Variants in LOC128706665 observed in about 807,000 individuals in gnomAD.
chr20:10,429,671 C>T, the LOC128706665 span, among the ~76,000 whole-genome samples: 2 of 152,174 alleles, frequency 1.3e-5, no homozygotes, highest in Non-Finnish European at 2.9e-5. Flanking sequence ...TCATGCTCCT[C>T]ATCAACTCAC....
chr20:10,413,932 C>G, the LOC128706665 span: 1 of 407,184 alleles, frequency 2.5e-6, no homozygotes, highest in South Asian at 1.1e-4. Context: ...GCTTCTTTAC[C>G]TAATAAATAA....
the LOC128706665 span, among the ~76,000 whole-genome samples, chr20:10,426,718 T>C: frequency 1.3e-5 from 2 of 152,212 alleles, no homozygotes; most frequent in African/African-American, 4.8e-5. Flanking sequence ...TGGCTGATTT[T>C]CATGTCAGGT....
At chr20:10,415,151 G>A in the LOC128706665 span, among the ~76,000 whole-genome samples, 1 of 152,188 alleles carries the variant, frequency 6.6e-6, no homozygotes, top group East Asian at 1.9e-4. Flanking sequence ...ATAATAATGT[G>A]TGAAAAGAAT....
the LOC128706665 span, among the ~76,000 whole-genome samples, chr20:10,418,756 G>A: frequency 6.6e-6 from 1 of 152,036 alleles, no homozygotes; most frequent in Non-Finnish European, 1.5e-5. Context: ...CCTCCAAACT[G>A]TTAAGACATC....
the LOC128706665 span, among the ~76,000 whole-genome samples, chr20:10,423,796 G>A: frequency 6.6e-6 from 1 of 152,178 alleles, no homozygotes; most frequent in Non-Finnish European, 1.5e-5. Flanking sequence ...TTTAGGTTTA[G>A]TTAAACCTGG....
At chr20:10,420,030 GA>G in the LOC128706665 span, among the ~76,000 whole-genome samples, 3 of 152,070 alleles carry the variant, frequency 2.0e-5, no homozygotes, top group Admixed American at 1.3e-4. Flanking sequence ...AGAACTTTTT[GA>G]ATTTTGGAAT....
the LOC128706665 span, among the ~76,000 whole-genome samples, chr20:10,432,789 CAAAAAA>C: frequency 3.4e-4 from 25 of 74,592 alleles, no homozygotes; most frequent in South Asian, 8.3e-3. Flanking sequence ...GACTCTTTGT[CAAAAAA>C]AAAAAAAAAA....
chr20:10,422,713 C>CTT, the LOC128706665 span, among the ~76,000 whole-genome samples: 246 of 143,514 alleles, frequency 1.7e-3, 1 homozygote, highest in Middle Eastern at 0.011. Flanking sequence ...GTTATATTAT[C>CTT]TTTTTTTTTT....
the LOC128706665 span, among the ~76,000 whole-genome samples, chr20:10,429,691 C>A: frequency 1.9e-4 from 29 of 152,336 alleles, no homozygotes; most frequent in African/African-American, 6.3e-4. Flanking sequence ...CTCAGCACAT[C>A]CTGCCATTTG....
the LOC128706665 span, among the ~76,000 whole-genome samples, chr20:10,421,147 A>C: frequency 6.6e-6 from 1 of 152,212 alleles, no homozygotes; most frequent in African/African-American, 2.4e-5. Flanking sequence ...TTATAATTAC[A>C]GGCTGAGGGT....
the LOC128706665 span, among the ~76,000 whole-genome samples, chr20:10,422,678 A>G: frequency 6.6e-6 from 1 of 151,434 alleles, no homozygotes; most frequent in Non-Finnish European, 1.5e-5. Context: ...TGGCACCTCT[A>G]TTCCCCTCAA....
At chr20:10,423,174 C>CA in the LOC128706665 span, among the ~76,000 whole-genome samples, 5 of 152,100 alleles carry the variant, frequency 3.3e-5, no homozygotes, top group Non-Finnish European at 5.9e-5. Context: ...CAGTGGCTCA[C>CA]AAAAGTGTAA....
At chr20:10,415,902 A>C in the LOC128706665 span, among the ~76,000 whole-genome samples, 4 of 152,200 alleles carry the variant, frequency 2.6e-5, no homozygotes, top group Non-Finnish European at 4.4e-5. Flanking sequence ...AGTGACTCCC[A>C]AATCATTTTA....
the LOC128706665 span, among the ~76,000 whole-genome samples, chr20:10,416,569 A>G: frequency 1.3e-5 from 2 of 152,210 alleles, no homozygotes; most frequent in African/African-American, 4.8e-5. Flanking sequence ...AAAAACCCTA[A>G]GTGGCTTGAG....
chr20:10,422,145 T>C, the LOC128706665 span, among the ~76,000 whole-genome samples: 3 of 152,206 alleles, frequency 2.0e-5, no homozygotes, highest in Non-Finnish European at 4.4e-5. Flanking sequence ...TGTTATCTTA[T>C]AGCTATGAAC....
chr20:10,414,265 C>CT, the LOC128706665 span, among the ~76,000 whole-genome samples: 6,381 of 132,306 alleles, frequency 0.048, 510 homozygotes, highest in African/African-American at 0.16. Context: ...GTCTCTGAGT[C>CT]TTTTTTTTTT....
the LOC128706665 span, among the ~76,000 whole-genome samples, chr20:10,414,557 G>A: frequency 6.6e-6 from 1 of 152,080 alleles, no homozygotes; most frequent in Non-Finnish European, 1.5e-5. Flanking sequence ...GAGCCACTGT[G>A]CCCGGCAAGT....
the LOC128706665 span, among the ~76,000 whole-genome samples, chr20:10,432,276 A>C: frequency 6.6e-6 from 1 of 152,196 alleles, no homozygotes; most frequent in Non-Finnish European, 1.5e-5. Context: ...TCTATTGCCC[A>C]ATCCTGCTTC....
At chr20:10,419,908 T>C in the LOC128706665 span, among the ~76,000 whole-genome samples, 6 of 152,222 alleles carry the variant, frequency 3.9e-5, no homozygotes, top group African/African-American at 1.4e-4. Context: ...TAACTGAAAC[T>C]GCAGAAAGCC....
Sources: gnomAD v4.1 joint callset for allele counts (sites outside exome capture counted in the v4.1 genomes callset) on GRCh38, gnomAD v4.1.1 for gene constraint, MANE v1.5 for transcripts.